Variants in DACH2 observed in about 807,000 individuals in gnomAD.
The protein encoded by DACH2 is dachshund family transcription factor 2, also known as dachshund homolog 2.
A neutral mutation model predicts 35.8 loss-of-function variants in DACH2; 17 were observed. The ratio of observed to expected loss-of-function variants is 0.48; its 90% CI spans 0.33 to 0.71. The LOEUF is 0.71. DACH2 is among the 30% of genes least tolerant of loss of function. The probability of loss-of-function intolerance (pLI) is 0.02; values close to 1 mark genes in which losing one functional copy is unlikely to be tolerated. For missense variants in DACH2, 469 were observed against 472.7 expected (o/e 0.99, Z 0.07); for synonymous variants, 195 against 177.3 (o/e 1.10, Z -0.79).
chrX:86,701,487 C>T (rs1437647927), intron 5 of DACH2, among the ~76,000 whole-genome samples: 1 of 111,638 alleles, frequency 9.0e-6, no homozygotes, highest in Admixed American at 9.5e-5. Context: ...TCTTATTCAA[C>T]ATAGTACTGG....
chrX:86,717,928 A>G lies in DACH2; in HGVS notation c.1104+3208A>G, dbSNP rs189852352. Among the ~76,000 whole-genome samples the G allele has an allele frequency of 1.6e-3, 174 of 108,452 alleles. 1 individual carries two copies. The highest frequency in any genetic ancestry group is 3.4e-4 in the Non-Finnish European group (18 of 52,341). 94.2% of individuals were successfully genotyped at this position (108,452 alleles called of 115,157 possible). On this transcript the variant is annotated intron_variant, in intron 6 of 11. Coordinates refer to ENST00000373125, the MANE Select transcript of DACH2 (RefSeq NM_053281.3). ...CATCTGTTGATGGACACATAGGTTGATCGTATATCATTGCTGTTGTGAATA... is the reference window on the plus strand; with the variant it reads ...CATCTGTTGATGGACACATAGGTTGGTCGTATATCATTGCTGTTGTGAATA...
At chrX:86,201,189 G>T (rs1387721703) in intron 1 of DACH2, among the ~76,000 whole-genome samples, 1 of 102,745 alleles carries the variant, frequency 9.7e-6, no homozygotes. Context: ...CACGGGAAGA[G>T]AAAACTAAAT....
At chrX:86,701,635 A>G (rs1034899344) in intron 5 of DACH2, among the ~76,000 whole-genome samples, 1 of 111,861 alleles carries the variant, frequency 8.9e-6, no homozygotes, top group Admixed American at 9.5e-5. Flanking sequence ...TCAACAGTAG[A>G]CTAGATAAAG....
Position 86,212,706 on chromosome X carries a change from T to C in DACH2, c.488+63598T>C, listed in dbSNP as rs180999230. On this transcript the variant is annotated intron_variant, in intron 1 of 11. Transcript: ENST00000373125. ...ATAAACTACATGTAAATTTTTATAT[T>C]ATCTCATTAACTAGGAGATTCACTT... 2.7e-5 allele frequency among the ~76,000 whole-genome samples: 3 copies of C among 111,615 alleles called. No individual in the cohort carries two copies. The Admixed American group carries it at 2.9e-4, about 11-fold the overall frequency.
chrX:86,690,831 A>C (rs776380041), intron 4 of DACH2, among the ~76,000 whole-genome samples: 1 of 111,949 alleles, frequency 8.9e-6, no homozygotes, highest in East Asian at 2.8e-4. Context: ...TAAATTAGTT[A>C]GTGTTAATGT....
chrX:86,278,015 C>A (rs2033951371), intron 1 of DACH2, among the ~76,000 whole-genome samples: 1 of 111,798 alleles, frequency 8.9e-6, no homozygotes, highest in African/African-American at 3.3e-5. Flanking sequence ...CTGGAGACAG[C>A]CAGCTCAGTG....
intron 2 of DACH2, among the ~76,000 whole-genome samples, chrX:86,401,855 T>G (rs1475107826): frequency 8.9e-6 from 1 of 111,875 alleles, no homozygotes; most frequent in African/African-American, 3.3e-5. Context: ...GTAGGCTTTA[T>G]TCCCAGGATG....
At chrX:86,507,389 G>C (rs1018202277) in intron 2 of DACH2, among the ~76,000 whole-genome samples, 4 of 104,570 alleles carry the variant, frequency 3.8e-5, no homozygotes, top group African/African-American at 1.4e-4. Context: ...CTTCTTGCTG[G>C]TATTAACATG....
intron 1 of DACH2, among the ~76,000 whole-genome samples, chrX:86,349,889 G>A (rs1295016976): frequency 1.8e-5 from 2 of 111,796 alleles, no homozygotes; most frequent in African/African-American, 6.5e-5. Flanking sequence ...GTTCAGGCCA[G>A]GTGTGGTGGC....
At chrX:86,628,928 C>T (rs1191735443) in intron 3 of DACH2, among the ~76,000 whole-genome samples, 1 of 111,962 alleles carries the variant, frequency 8.9e-6, no homozygotes, top group African/African-American at 3.2e-5. Context: ...TTAACAAGTA[C>T]AAAACACATT....
chrX:86,561,970 G>T (rs1245817328), intron 3 of DACH2, among the ~76,000 whole-genome samples: 4 of 101,892 alleles, frequency 3.9e-5, no homozygotes. Flanking sequence ...GGAATCAATT[G>T]CATCTCTATA....
intron 2 of DACH2, among the ~76,000 whole-genome samples, chrX:86,399,856 G>C (rs1313209165): frequency 9.0e-6 from 1 of 111,097 alleles, no homozygotes. Context: ...ACAATTATGT[G>C]TCTTGGACTT....
At chrX:86,688,245 T>C (rs1358840119) in intron 4 of DACH2, among the ~76,000 whole-genome samples, 1 of 111,705 alleles carries the variant, frequency 9.0e-6, no homozygotes, top group Non-Finnish European at 1.9e-5. Flanking sequence ...ATTCTCTTCT[T>C]TTTAAATTGT....
At chrX:86,595,823 G>A (rs1452115666) in intron 3 of DACH2, among the ~76,000 whole-genome samples, 6 of 109,031 alleles carry the variant, frequency 5.5e-5, no homozygotes, top group African/African-American at 2.0e-4. Flanking sequence ...TTACAGTATT[G>A]TACAACTCTC....
intron 1 of DACH2, among the ~76,000 whole-genome samples, chrX:86,338,332 C>A (rs1705412170): frequency 9.0e-6 from 1 of 111,565 alleles, no homozygotes; most frequent in Non-Finnish European, 1.9e-5. Flanking sequence ...CACTCTAGAG[C>A]AAATCTGAAG....
At chrX:86,249,416 A>G (rs73516011) in intron 1 of DACH2, among the ~76,000 whole-genome samples, 1 of 111,801 alleles carries the variant, frequency 8.9e-6, no homozygotes, top group Non-Finnish European at 1.9e-5. Flanking sequence ...TTCTCTATAG[A>G]ATACATACAC....
At chrX:86,245,444 G>C (rs1223091822) in intron 1 of DACH2, among the ~76,000 whole-genome samples, 1 of 111,992 alleles carries the variant, frequency 8.9e-6, no homozygotes, top group Non-Finnish European at 1.9e-5. Flanking sequence ...GTTGTTGCCA[G>C]TGTACCAGGA....
chrX:86,375,786 T>C (rs1443796941), intron 1 of DACH2, among the ~76,000 whole-genome samples: 2 of 109,567 alleles, frequency 1.8e-5, no homozygotes, highest in Non-Finnish European at 3.8e-5. Flanking sequence ...AGAGAAACAG[T>C]TGCTTTTCAA....
At chrX:86,200,273 C>A in intron 1 of DACH2, among the ~76,000 whole-genome samples, 1 of 111,215 alleles carries the variant, frequency 9.0e-6, no homozygotes. Flanking sequence ...ACACCATATA[C>A]TAAAATCAAC....
Sources: allele counts gnomAD v4.1 joint callset (sites outside exome capture counted in the v4.1 genomes callset), GRCh38; gene constraint gnomAD v4.1.1; transcripts MANE v1.5; gene names NCBI Gene and HGNC (gene_info 2026-07-23, HGNC 2026-07-21).